Variants in CCNB1 observed in about 807,000 individuals in gnomAD.
CCNB1 encodes cyclin B1.
A neutral mutation model predicts 44.4 loss-of-function variants in CCNB1; 26 were observed. That is an observed-to-expected ratio of 0.59 (90% CI 0.43 to 0.81). CCNB1 has a LOEUF of 0.81. Ranked by LOEUF, CCNB1 falls within the 40% of genes least tolerant of loss-of-function variation. The probability of loss-of-function intolerance (pLI) is 0.00; values close to 1 mark genes in which losing one functional copy is unlikely to be tolerated. For synonymous variants in CCNB1, 195 were observed against 181.4 expected (o/e 1.08, Z -0.60); for missense variants, 477 against 520.9 (o/e 0.92, Z 0.82).
chr5:69,169,293 A>G (rs929095224), intron 3 of CCNB1, among the ~76,000 whole-genome samples: 2 of 152,142 alleles, frequency 1.3e-5, no homozygotes, highest in South Asian at 2.1e-4. Flanking sequence ...TCCTGACCTC[A>G]TGATCCGCCC....
chr5:69,175,065 T>A lies in CCNB1; in HGVS notation c.894T>A (p.Gly298=). ...KILRALNFGL[G]RPLPLHFLRR... The stretch of plus-strand genomic sequence containing the variant: ...TAAGAGCTTTAAACTTTGGTCTGGG[T>A]CGGCCTCTACCTTTGCACTTCCTTC... The change falls in exon 6 of 9, where the codon GGT becomes GGA. Residue 298 remains glycine (G), a synonymous_variant. Coordinates refer to ENST00000256442, the MANE Select transcript of CCNB1 (RefSeq NM_031966.4). 6.2e-7 allele frequency: 1 copy of A among 1,614,160 alleles called. No homozygotes were observed. Among genetic ancestry groups the A allele is most frequent in the Non-Finnish European group, 8.5e-7 (1 of 1,180,034 alleles).
rs3087333 is a variant in CCNB1, at chr5:69,177,478, AT to A, written c.1195-38del. The A allele has an allele frequency of 7.7e-5, 105 of 1,359,656 alleles. 1 individual carries two copies. In the Admixed American group the frequency reaches 1.5e-3, roughly 19 times the overall value. 84.2% of individuals were successfully genotyped at this position (1,359,656 alleles called of 1,614,324 possible). On this transcript the variant is annotated intron_variant, in intron 8 of 8. Coordinates refer to ENST00000256442, the MANE Select transcript of CCNB1 (RefSeq NM_031966.4). ...AATACCTGTATCATTGCATCTTGTGATTTTTTTTCTTTTGCCTCTTTAATTG... is the reference window on the plus strand; with the variant it reads ...AATACCTGTATCATTGCATCTTGTGATTTTTTTCTTTTGCCTCTTTAATTG...
Position 69,168,000 on chromosome 5 carries a change from A to C in CCNB1, c.114A>C (p.Gly38=), listed in dbSNP as rs754814106. The change falls in exon 2 of 9, where the codon GGA becomes GGC. Residue 38 remains glycine, a synonymous_variant. Coordinates refer to ENST00000256442, the MANE Select transcript of CCNB1 (RefSeq NM_031966.4). Reference sequence around the variant, plus strand: ...CCCCTGCTGCAACCTCCAAGCCCGGACTGAGGCCAAGAACAGCTCTTGGGG... The same window carrying C: ...CCCCTGCTGCAACCTCCAAGCCCGGCCTGAGGCCAAGAACAGCTCTTGGGG... The part of the protein sequence containing the change: ...PTAPAATSKP[G]LRPRTALGDI... 1 of 1,614,218 alleles carries C rather than the reference A, an allele frequency of 6.2e-7. No individual in the cohort carries two copies. The highest frequency in any genetic ancestry group is 8.5e-7 in the Non-Finnish European group (1 of 1,180,034).
At chr5:69,173,502 C>G (rs1747508820) in intron 4 of CCNB1, among the ~76,000 whole-genome samples, 1 of 152,170 alleles carries the variant, frequency 6.6e-6, no homozygotes, top group Non-Finnish European at 1.5e-5. Context: ...CCCCACAGTT[C>G]TTAGCTATGT....
intron 3 of CCNB1, among the ~76,000 whole-genome samples, chr5:69,169,712 GTGCCATCTTGGCTCACCACAACCTC>G (rs1747416371): frequency 6.6e-6 from 1 of 151,922 alleles, no homozygotes; most frequent in Non-Finnish European, 1.5e-5. Flanking sequence ...GAGTGCAGTG[GTGCCATCTTGGCTCACCACAACCTC>G]TGCCTCCCGA....
At chr5:69,167,353 G>T in intron 1 of CCNB1, 70 bp downstream of exon 1, 1 of 1,571,612 alleles carries the variant, frequency 6.4e-7, no homozygotes, top group Non-Finnish European at 8.7e-7. Flanking sequence ...CCTCGCCTGC[G>T]GGAGCCTCCC....
intron 7 of CCNB1, 114 bp from the exon 8 acceptor site, chr5:69,177,125 T>C (rs1237072926): frequency 9.0e-6 from 5 of 554,808 alleles, no homozygotes; most frequent in Non-Finnish European, 1.6e-5. Context: ...ATTTCAGTTA[T>C]ATTAATTATA....
In CCNB1 at chr5:69,177,605, T is replaced by A. The variant is rs757716152; in HGVS notation, c.1276T>A (p.Leu426Ile). The change falls in exon 9 of 9, where the codon TTA (leucine) becomes ATA (isoleucine). Residue 426 changes from leucine (L) to isoleucine (I), a missense_variant. Physicochemically the swap from Leu to Ile is conservative, Grantham distance 5. Transcript: ENST00000256442. ...GCTGAATTCTGCACTAGTTCAAGATTTAGCCAAGGCTGTGGCAAAGGTGTA... is the reference window on the plus strand; with the variant it reads ...GCTGAATTCTGCACTAGTTCAAGATATAGCCAAGGCTGTGGCAAAGGTGTA... ...PQLNSALVQD[L>I]AKAVAKV 34 of 1,612,704 alleles carry A rather than the reference T, an allele frequency of 2.1e-5. 1 individual carries two copies. The South Asian group carries it at 3.7e-4, about 18-fold the overall frequency.
At chr5:69,170,296 G>C (rs1345038426) in intron 3 of CCNB1, among the ~76,000 whole-genome samples, 1 of 151,970 alleles carries the variant, frequency 6.6e-6, no homozygotes, top group Non-Finnish European at 1.5e-5. Context: ...TCTTTACTTT[G>C]TCTACTAAAT....
chr5:69,174,671 C>T (rs185720796), intron 5 of CCNB1, among the ~76,000 whole-genome samples: 1,732 of 151,916 alleles, frequency 0.011, 32 homozygotes, highest in Non-Finnish European at 0.014. Flanking sequence ...GCTGAGATCA[C>T]GCCATTGCAC....
At chr5:69,167,395 G>C (rs989288339) in intron 1 of CCNB1, 112 bp downstream of exon 1, 3 of 1,272,516 alleles carry the variant, frequency 2.4e-6, no homozygotes, top group Non-Finnish European at 3.4e-6. Context: ...GCGATTTGGG[G>C]AGGAAGGTGG....
At chr5:69,175,737 G>A (rs1389075556) in intron 7 of CCNB1, among the ~76,000 whole-genome samples, 200 bp downstream of exon 7, 1 of 152,052 alleles carries the variant, frequency 6.6e-6, no homozygotes, top group Non-Finnish European at 1.5e-5. Context: ...AGGCTGGAGT[G>A]CAGTGGTGCA....
chr5:69,170,137 T>A (rs1324279811), intron 3 of CCNB1, among the ~76,000 whole-genome samples: 1 of 150,674 alleles, frequency 6.6e-6, no homozygotes, highest in Non-Finnish European at 1.5e-5. Flanking sequence ...CTAATTTTTT[T>A]ATTATTTTTT....
At chr5:69,169,152 C>A (rs1387853053) in intron 3 of CCNB1, among the ~76,000 whole-genome samples, 1 of 152,084 alleles carries the variant, frequency 6.6e-6, no homozygotes, top group East Asian at 1.9e-4. Flanking sequence ...CTCACTGCAA[C>A]CTCTGCCTCC....
chr5:69,171,287 A>G lies in CCNB1; in HGVS notation c.381A>G (p.Pro127=). 1 of 1,610,970 alleles carries G rather than the reference A, an allele frequency of 6.2e-7. No homozygotes were observed. Among genetic ancestry groups the G allele is most frequent in the Non-Finnish European group, 8.5e-7 (1 of 1,179,192 alleles). The change falls in exon 4 of 9, where the codon CCA becomes CCG. Residue 127 remains proline, a synonymous_variant. Coordinates refer to ENST00000256442, the MANE Select transcript of CCNB1 (RefSeq NM_031966.4). The stretch of plus-strand genomic sequence containing the variant: ...GTTTCAAGGTTGATACTGCCTCTCC[A>G]AGCCCAATGGAAACATCTGGATGTG... ...PEPILVDTAS[P]SPMETSGCAP...
chr5:69,167,883 C>G, intron 1 of CCNB1, 25 bp from the exon 2 acceptor site: 2 of 1,594,918 alleles, frequency 1.3e-6, no homozygotes, highest in Middle Eastern at 1.7e-4. Flanking sequence ...TGGATCAGCT[C>G]TTAAAGTGGT....
In CCNB1 at chr5:69,177,269, A is replaced by C; in HGVS notation, c.1114A>C (p.Thr372Pro). The change falls in exon 8 of 9, where the codon ACT (threonine) becomes CCT (proline). Residue 372 changes from threonine (T) to proline (P), a missense_variant. Physicochemically the swap from Thr to Pro is conservative, Grantham distance 38. Coordinates refer to ENST00000256442, the MANE Select transcript of CCNB1 (RefSeq NM_031966.4). ...AACTCTACAACATTACCTGTCATAT[A>C]CTGAAGAATCTCTTCTTCCAGTTAT... ...TPTLQHYLSYTEESLLPVMQH... is the reference protein window; with the variant it reads ...TPTLQHYLSYPEESLLPVMQH... 1.9e-6 allele frequency: 3 copies of C among 1,610,594 alleles called. No individual in the cohort carries two copies. The highest frequency in any genetic ancestry group is 2.5e-6 in the Non-Finnish European group (3 of 1,176,812).
At chr5:69,167,772 G>A in intron 1 of CCNB1, 136 bp from the exon 2 acceptor site, 2 of 716,384 alleles carry the variant, frequency 2.8e-6, no homozygotes, top group Non-Finnish European at 4.6e-6. Flanking sequence ...TAGACTCTGG[G>A]ACCCATGTTT....
chr5:69,175,473 C>G lies in CCNB1; in HGVS notation c.1019C>G (p.Pro340Arg). The change falls in exon 7 of 9, where the codon CCT (proline) becomes CGT (arginine). Residue 340 changes from proline to arginine, a missense_variant. Coordinates refer to ENST00000256442, the MANE Select transcript of CCNB1 (RefSeq NM_031966.4). Reference sequence around the variant, plus strand: ...TTGGACTATGACATGGTGCACTTTCCTCCTTCTCAAATTGCAGCAGGAGCT... The same window carrying G: ...TTGGACTATGACATGGTGCACTTTCGTCCTTCTCAAATTGCAGCAGGAGCT... Reference protein sequence around the residue: ...TMLDYDMVHFPPSQIAAGAFC... With the variant: ...TMLDYDMVHFRPSQIAAGAFC... 1.9e-6 allele frequency: 3 copies of G among 1,614,114 alleles called. No homozygotes were observed. The highest frequency in any genetic ancestry group is 1.1e-5 in the South Asian group (1 of 91,082).
Sources: gnomAD v4.1 joint callset for allele counts (sites outside exome capture counted in the v4.1 genomes callset) on GRCh38, gnomAD v4.1.1 for gene constraint, MANE v1.5 for transcripts, NCBI Gene and HGNC (gene_info 2026-07-23, HGNC 2026-07-21) for gene names.